AKAP13: variants seen among roughly 807,000 people sequenced by gnomAD.
The protein encoded by AKAP13 is A-kinase anchoring protein 13.
AKAP13 carries 80 observed loss-of-function variants against 264.5 expected under a neutral mutation model. That is an observed-to-expected ratio of 0.30 (90% CI 0.25 to 0.36). The LOEUF is 0.36. AKAP13 is among the 10% of genes least tolerant of loss of function. AKAP13 has a pLI of 1.00. For synonymous variants in AKAP13, 1,380 were observed against 1,250.2 expected (o/e 1.10, Z -2.19); for missense variants, 3,712 against 3,435.2 (o/e 1.08, Z -2.01).
At chr15:85,386,510 A>G (rs2070569643) in intron 1 of AKAP13, among the ~76,000 whole-genome samples, 1 of 151,862 alleles carries the variant, frequency 6.6e-6, no homozygotes, top group South Asian at 2.1e-4. Flanking sequence ...GGGTGGTCTG[A>G]ACTCCTGACC....
chr15:85,649,424 C>G (rs1015061867), intron 10 of AKAP13, among the ~76,000 whole-genome samples: 3 of 152,212 alleles, frequency 2.0e-5, no homozygotes, highest in African/African-American at 4.8e-5. Context: ...GTGGTCACCC[C>G]CAGAGTGTGC....
At chr15:85,699,129 AAAAC>A (rs1220444904) in intron 17 of AKAP13, among the ~76,000 whole-genome samples, 2 of 151,936 alleles carry the variant, frequency 1.3e-5, no homozygotes, top group Non-Finnish European at 2.9e-5. Context: ...TAGTTTATGG[AAAAC>A]AAACAGTTTA....
At chr15:85,510,032 C>T (rs754058556) in intron 2 of AKAP13, among the ~76,000 whole-genome samples, 2 of 152,238 alleles carry the variant, frequency 1.3e-5, no homozygotes, top group Non-Finnish European at 2.9e-5. Context: ...GCCTCCCTGC[C>T]CTGCGTTTTG....
chr15:85,591,708 A>G (rs879413812), intron 8 of AKAP13, among the ~76,000 whole-genome samples: 14 of 151,990 alleles, frequency 9.2e-5, no homozygotes, highest in Non-Finnish European at 1.8e-4. Context: ...GCAAACCAAT[A>G]TCGTATGTTG....
chr15:85,423,672 C>G (rs1395190711), intron 1 of AKAP13, among the ~76,000 whole-genome samples: 6 of 152,204 alleles, frequency 3.9e-5, no homozygotes, highest in Non-Finnish European at 2.9e-5. Flanking sequence ...TTTTGATGTT[C>G]TCCCCTGAAT....
chr15:85,684,784 A>G lies in AKAP13; in HGVS notation c.5200A>G (p.Lys1734Glu). Reference sequence around the variant, plus strand: ...TAATTTCCTGCCACATAGCCCCTCCAAGAAAGATTCTGAATGGAAGAGTGG... The same window carrying G: ...TAATTTCCTGCCACATAGCCCCTCCGAGAAAGATTCTGAATGGAAGAGTGG... The part of the protein sequence containing the change: ...NYNFLPHSPS[K>E]KDSEWKSGTK... The change falls in exon 16 of 37, where the codon AAG (lysine) becomes GAG (glutamate). Residue 1734 changes from lysine (K) to glutamate (E), a missense_variant. Lys to Glu is a moderately conservative substitution (Grantham distance 56). This residue lies in a region of AKAP13 where 2,759 missense variants were observed against 2,411.7 expected (regional missense o/e 1.14). Transcript: ENST00000394518. 2 of 1,613,848 alleles carry G rather than the reference A, an allele frequency of 1.2e-6. No homozygotes were observed. Among genetic ancestry groups the G allele is most frequent in the South Asian group, 2.2e-5 (2 of 91,080 alleles).
chr15:85,465,466 G>A (rs1336236892), intron 1 of AKAP13, among the ~76,000 whole-genome samples: 1 of 146,050 alleles, frequency 6.8e-6, no homozygotes, highest in African/African-American at 2.5e-5. Context: ...TCGTCATTTA[G>A]CATTAGGTAT....
At chr15:85,512,825 GTA>G (rs2151127376) in intron 2 of AKAP13, among the ~76,000 whole-genome samples, 1 of 52,592 alleles carries the variant, frequency 1.9e-5, no homozygotes, top group African/African-American at 3.2e-5. Context: ...ATGTATGTAT[GTA>G]TGTATGTATG....
intron 5 of AKAP13, among the ~76,000 whole-genome samples, chr15:85,569,791 C>T (rs996110184): frequency 2.0e-5 from 3 of 152,036 alleles, no homozygotes; most frequent in African/African-American, 7.2e-5. Context: ...AAAGAAAGGC[C>T]ACTGGGCCGG....
chr15:85,464,424 A>ACT (rs2074647314), intron 1 of AKAP13, among the ~76,000 whole-genome samples: 1 of 152,206 alleles, frequency 6.6e-6, no homozygotes. Flanking sequence ...TAGAATATGG[A>ACT]TAATATCTAT....
In AKAP13 at chr15:85,579,506, G is replaced by A. The variant is rs2079114481; in HGVS notation, c.1438G>A (p.Gly480Arg). The A allele has an allele frequency of 6.2e-7, 1 of 1,614,082 alleles. No individual in the cohort carries two copies. The highest frequency in any genetic ancestry group is 1.3e-5 in the African/African-American group (1 of 74,922). Reference protein sequence around the residue: ...TTNVSTPDTAGEMEHGLMNPD... With the variant: ...TTNVSTPDTAREMEHGLMNPD... ...AAATGTCAGTACCCCAGACACTGCA[G>A]GGGAAATGGAACATGGGCTCATGAA... The change falls in exon 7 of 37, where the codon GGG becomes AGG. Residue 480 changes from glycine to arginine, a missense_variant. Transcript: ENST00000394518.
At chr15:85,382,878 A>C (rs1377360884) in intron 1 of AKAP13, among the ~76,000 whole-genome samples, 2 of 152,214 alleles carry the variant, frequency 1.3e-5, no homozygotes, top group African/African-American at 4.8e-5. Context: ...GAGAGCCACT[A>C]ACTGGGGACC....
intron 5 of AKAP13, among the ~76,000 whole-genome samples, chr15:85,563,139 C>G (rs368350174): frequency 6.6e-6 from 1 of 152,016 alleles, no homozygotes; most frequent in Non-Finnish European, 1.5e-5. Context: ...CCATACCACA[C>G]TATGATTTAG....
intron 1 of AKAP13, among the ~76,000 whole-genome samples, chr15:85,458,089 G>A (rs1033857689): frequency 1.3e-5 from 2 of 149,378 alleles, no homozygotes; most frequent in South Asian, 2.1e-4. Context: ...GCAGTGAGCC[G>A]AGATTGCGCC....
chr15:85,525,604 G>A (rs2077009794), intron 3 of AKAP13, among the ~76,000 whole-genome samples: 2 of 152,196 alleles, frequency 1.3e-5, no homozygotes, highest in Non-Finnish European at 2.9e-5. Context: ...TATACTTCTA[G>A]TAATGAAAGA....
intron 1 of AKAP13, chr15:85,382,317 G>A (rs2070323390): frequency 2.0e-5 from 3 of 152,162 alleles, no homozygotes; most frequent in Admixed American, 2.0e-4. Context: ...AGCGTTCCTG[G>A]GCTTTTCTGG....
At chr15:85,602,335 C>G (rs2080121851) in intron 8 of AKAP13, among the ~76,000 whole-genome samples, 1 of 151,774 alleles carries the variant, frequency 6.6e-6, no homozygotes, top group Non-Finnish European at 1.5e-5. Flanking sequence ...GTCACCATGC[C>G]CAGCTAATTT....
intron 8 of AKAP13, among the ~76,000 whole-genome samples, chr15:85,593,949 G>C (rs1182758793): frequency 6.6e-6 from 1 of 152,148 alleles, no homozygotes; most frequent in Non-Finnish European, 1.5e-5. Context: ...TTCCTCATTT[G>C]TAAATTTGGG....
At chr15:85,457,638 A>G (rs2074329843) in intron 1 of AKAP13, among the ~76,000 whole-genome samples, 1 of 152,214 alleles carries the variant, frequency 6.6e-6, no homozygotes, top group African/African-American at 2.4e-5. Context: ...TAACAAACCA[A>G]ATAATTTGCC....
Sources: allele counts gnomAD v4.1 joint callset (sites outside exome capture counted in the v4.1 genomes callset), GRCh38; gene constraint gnomAD v4.1.1; regional missense constraint gnomAD v4.1.1; transcripts MANE v1.5; gene names NCBI Gene and HGNC (gene_info 2026-07-23, HGNC 2026-07-21).